CCDC141: variants seen among roughly 807,000 people sequenced by gnomAD.
CCDC141 encodes coiled-coil domain containing 141.
Under a neutral mutation model 181.0 loss-of-function variants are expected in CCDC141, and 168 were observed. That is an observed-to-expected ratio of 0.93 (90% CI 0.82 to 1.05). CCDC141 has a LOEUF of 1.05. Among genes scored for constraint, CCDC141 ranks in the 50% least tolerant of loss-of-function variants. The pLI is 0.00. For missense variants in CCDC141, 1,902 were observed against 1,788.5 expected, an observed-to-expected ratio of 1.06 and a Z score of -1.14; for synonymous variants, 666 against 642.3, an observed-to-expected ratio of 1.04 and a Z score of -0.56.
the CCDC141 span, among the ~76,000 whole-genome samples, chr2:178,821,089 T>C: frequency 7.1e-6 from 1 of 140,568 alleles, no homozygotes; most frequent in Non-Finnish European, 1.5e-5. Context: ...TAGGAATAAA[T>C]TTTTCATCAA....
Position 178,961,148 on chromosome 2 carries a change from C to G in CCDC141, c.780+82G>C, listed in dbSNP as rs913981939. 28 of 1,437,628 alleles carry G rather than the reference C, an allele frequency of 1.9e-5. No individual in the cohort carries two copies. The Admixed American group carries it at 6.3e-4, about 32-fold the overall frequency. 89.1% of individuals were successfully genotyped at this position (1,437,628 alleles called of 1,614,324 possible). Reference sequence around the variant, plus strand: ...CAAAAGATTTGACCATGAAGACTGACAAACTGCCCCAGGGAATGGTTAATC... The same window carrying G: ...CAAAAGATTTGACCATGAAGACTGAGAAACTGCCCCAGGGAATGGTTAATC... On this transcript the variant is annotated intron_variant, in intron 5 of 23. Transcript: ENST00000443758.
chr2:179,022,051 C>T (rs1385307597), intron 2 of CCDC141, among the ~76,000 whole-genome samples: 1 of 152,124 alleles, frequency 6.6e-6, no homozygotes, highest in Non-Finnish European at 1.5e-5. Flanking sequence ...AATGACTCTT[C>T]CATATCTGTT....
intron 12 of CCDC141, 55 bp from the exon 13 acceptor site, chr2:178,872,367 T>C (rs1330858138): frequency 6.9e-7 from 1 of 1,459,520 alleles, no homozygotes; most frequent in African/African-American, 1.4e-5. Context: ...ATACAGCTTT[T>C]TGTTGTATAT....
At chr2:178,848,170 G>C (rs1236286127) in intron 21 of CCDC141, among the ~76,000 whole-genome samples, 1 of 152,182 alleles carries the variant, frequency 6.6e-6, no homozygotes, top group Admixed American at 6.5e-5. Flanking sequence ...GAGATGGTAA[G>C]ATTTCGAAAA....
chr2:178,892,466 A>T (rs189541970), intron 8 of CCDC141, among the ~76,000 whole-genome samples: 1 of 152,184 alleles, frequency 6.6e-6, no homozygotes, highest in South Asian at 2.1e-4. Context: ...CTCATTCCCA[A>T]TTAGAATATA....
intron 2 of CCDC141, among the ~76,000 whole-genome samples, chr2:179,015,288 T>TATATCTCAACTATATCATAC: frequency 8.0e-6 from 1 of 124,320 alleles, no homozygotes; most frequent in African/African-American, 2.9e-5. Flanking sequence ...CTATCTCTCA[T>TATATCTCAACTATATCATAC]ATATCTCATA....
chr2:178,983,167 G>A (rs928741497), intron 2 of CCDC141, among the ~76,000 whole-genome samples: 4 of 152,258 alleles, frequency 2.6e-5, no homozygotes, highest in African/African-American at 4.8e-5. Flanking sequence ...CCTGACCCCC[G>A]ACCAGCCTAA....
At chr2:178,990,851 C>G (rs550077694) in intron 2 of CCDC141, among the ~76,000 whole-genome samples, 262 of 151,994 alleles carry the variant, frequency 1.7e-3, no homozygotes, top group Non-Finnish European at 3.0e-3. Flanking sequence ...TTCTTTTGGG[C>G]TGATGGAAAG....
At chr2:178,840,627 A>C (rs533823724) in intron 22 of CCDC141, among the ~76,000 whole-genome samples, 1 of 152,266 alleles carries the variant, frequency 6.6e-6, no homozygotes, top group African/African-American at 2.4e-5. Context: ...CCGGAGGTGA[A>C]GTCTGTGGTC....
chr2:179,027,646 C>CAAAAAAAAAAAAAAAAAAAAAAAAA (rs71023466), intron 2 of CCDC141, among the ~76,000 whole-genome samples: 4 of 53,274 alleles, frequency 7.5e-5, no homozygotes, highest in African/African-American at 2.8e-4. Context: ...CTCTTACTCT[C>CAAAAAAAAAAAAAAAAAAAAAAAAA]AAAAAAAAAA....
At position 178,845,668 on chromosome 2, in the gene CCDC141, T is replaced by G. The variant is rs1169440456; in HGVS notation, c.3432A>C (p.Pro1144=). Reference sequence around the variant, plus strand: ...TGAATATTGTCTGCTTATTTTTTGCTGGTTCCTTTAGCAAGTCAATGTAAT... The same window carrying G: ...TGAATATTGTCTGCTTATTTTTTGCGGGTTCCTTTAGCAAGTCAATGTAAT... ...HYDYIDLLKE[P]AKNKQTIFNE... The change falls in exon 22 of 24, where the codon CCA becomes CCC. Residue 1144 remains proline (P), a synonymous_variant. Transcript: ENST00000443758. 1.2e-6 allele frequency: 2 copies of G among 1,611,740 alleles called. No homozygotes were observed. The highest frequency in any genetic ancestry group is 1.7e-6 in the Non-Finnish European group (2 of 1,178,098).
chr2:178,980,988 A>G (rs1280150910), intron 2 of CCDC141, among the ~76,000 whole-genome samples: 4 of 152,220 alleles, frequency 2.6e-5, no homozygotes, highest in Non-Finnish European at 5.9e-5. Context: ...AGAGCCAGGA[A>G]TATTATTTGA....
intron 2 of CCDC141, among the ~76,000 whole-genome samples, chr2:179,012,614 A>G (rs1264773452): frequency 6.6e-6 from 1 of 152,200 alleles, no homozygotes; most frequent in African/African-American, 2.4e-5. Context: ...AATTCATTCT[A>G]TGAAGCCAGC....
At chr2:178,891,184 T>C (rs550317553) in intron 8 of CCDC141, among the ~76,000 whole-genome samples, 11 of 152,218 alleles carry the variant, frequency 7.2e-5, no homozygotes, top group Non-Finnish European at 1.5e-4. Flanking sequence ...GTTTAGTTTG[T>C]ACCATAAAAT....
intron 4 of CCDC141, among the ~76,000 whole-genome samples, chr2:178,968,797 G>A (rs1394331170): frequency 1.3e-5 from 2 of 151,984 alleles, no homozygotes; most frequent in Non-Finnish European, 2.9e-5. Context: ...ATGAATCCAG[G>A]AGCTGGGTGT....
intron 2 of CCDC141, 61 bp from the exon 3 acceptor site, chr2:178,978,736 A>T (rs950751418): frequency 2.4e-6 from 3 of 1,247,698 alleles, no homozygotes; most frequent in Non-Finnish European, 3.2e-6. Flanking sequence ...ACACAGGATC[A>T]CATTTTAAAC....
At chr2:178,921,794 TGTTTCG>T (rs1688701458) in intron 6 of CCDC141, among the ~76,000 whole-genome samples, 1 of 152,222 alleles carries the variant, frequency 6.6e-6, no homozygotes, top group Admixed American at 6.5e-5. Context: ...CAAGTCTTTC[TGTTTCG>T]TTCTTTGTTT....
chr2:178,900,193 A>C lies in CCDC141; in HGVS notation c.1265+5136T>G, dbSNP rs1203013514. ...GCTAATGATTTTCTTAAACCCACTT[A>C]CCTAAGCATTAATTCAAGCTTTTGA... On this transcript the variant is annotated intron_variant, in intron 8 of 23. Coordinates refer to ENST00000443758, the MANE Select transcript of CCDC141 (RefSeq NM_173648.4). 2.0e-5 allele frequency among the ~76,000 whole-genome samples: 3 copies of C among 152,164 alleles called. No homozygotes were observed. In the East Asian group the frequency reaches 5.8e-4, roughly 29 times the overall value.
intron 17 of CCDC141, among the ~76,000 whole-genome samples, chr2:178,859,049 A>T (rs567392127): frequency 6.6e-6 from 1 of 152,306 alleles, no homozygotes; most frequent in East Asian, 1.9e-4. Context: ...ACTGAAGATG[A>T]TTTATAAGGT....
Sources: gnomAD v4.1 joint callset for allele counts (sites outside exome capture counted in the v4.1 genomes callset) on GRCh38, gnomAD v4.1.1 for gene constraint, MANE v1.5 for transcripts, NCBI Gene and HGNC (gene_info 2026-07-23, HGNC 2026-07-21) for gene names.